Variants in RHBDL3 observed in about 807,000 individuals in gnomAD.
RHBDL3 encodes rhomboid like 3, also known as rhomboid-related protein 3.
RHBDL3 carries 28 observed loss-of-function variants against 48.2 expected under a neutral mutation model. That is an observed-to-expected ratio of 0.58 (90% CI 0.43 to 0.80). RHBDL3 has a LOEUF of 0.80. Ranked by LOEUF, RHBDL3 falls within the 30% of genes least tolerant of loss-of-function variation. The probability of loss-of-function intolerance (pLI) is 0.00; values close to 1 mark genes in which losing one functional copy is unlikely to be tolerated. For synonymous variants in RHBDL3, 208 were observed against 232.3 expected (o/e 0.90, Z 0.95); for missense variants, 464 against 542.7 (o/e 0.85, Z 1.44).
intron 2 of RHBDL3, among the ~76,000 whole-genome samples, chr17:32,272,485 TC>T (rs1367521892): frequency 6.6e-6 from 1 of 152,022 alleles, no homozygotes; most frequent in African/African-American, 2.4e-5. Flanking sequence ...CCCCCAGAAC[TC>T]ACAATTAACC....
chr17:32,294,885 C>T (rs1402597457), intron 5 of RHBDL3, among the ~76,000 whole-genome samples: 1 of 152,146 alleles, frequency 6.6e-6, no homozygotes, highest in Non-Finnish European at 1.5e-5. Context: ...GGAACTCTGA[C>T]GATAATTATA....
intron 1 of RHBDL3, chr17:32,267,588 C>G (rs560307557): frequency 3.9e-5 from 7 of 180,984 alleles, no homozygotes; most frequent in African/African-American, 1.4e-4. Context: ...CATATTTGGA[C>G]GCCTTTATTT....
intron 2 of RHBDL3, among the ~76,000 whole-genome samples, chr17:32,280,185 G>C (rs2040009964): frequency 6.6e-6 from 1 of 152,164 alleles, no homozygotes. Context: ...ACGCTCCCAG[G>C]CTCCTGGCTC....
intron 4 of RHBDL3, among the ~76,000 whole-genome samples, 155 bp from the exon 5 acceptor site, chr17:32,294,139 A>AAC (rs1006831459): frequency 3.3e-5 from 5 of 151,864 alleles, no homozygotes; most frequent in African/African-American, 1.2e-4. Flanking sequence ...AAAAAAAAAA[A>AAC]AAAAAACTCA....
At chr17:32,283,094 C>T (rs980738589) in intron 2 of RHBDL3, among the ~76,000 whole-genome samples, 1 of 152,170 alleles carries the variant, frequency 6.6e-6, no homozygotes, top group Non-Finnish European at 1.5e-5. Flanking sequence ...CACACACATA[C>T]ATCCTCAATG....
At chr17:32,316,171 A>G (rs1181629362) in intron 7 of RHBDL3, 61 bp from the exon 8 acceptor site, 2 of 1,227,284 alleles carry the variant, frequency 1.6e-6, no homozygotes, top group East Asian at 4.7e-5. Context: ...TTTCTTAAGC[A>G]AGACACACCG....
At chr17:32,306,927 A>AATTCTTT (rs1311437097) in intron 7 of RHBDL3, among the ~76,000 whole-genome samples, 14 of 152,104 alleles carry the variant, frequency 9.2e-5, no homozygotes, top group Non-Finnish European at 1.0e-4. Context: ...TCTCAATTTA[A>AATTCTTT]AGAAAAGAAA....
rs1026666655 is a variant in RHBDL3 at position 32,323,899 on chromosome 17, C to G, written c.*2670C>G. ...CCAGGTCAGGAGGCAGCTGTCTGGT[C>G]AGAGGGGTTCTCTTTGTGGCATCTG... On this transcript the variant is annotated 3_prime_UTR_variant, in exon 9 of 9. Coordinates refer to ENST00000269051, the MANE Select transcript of RHBDL3 (RefSeq NM_138328.3). 1.3e-5 allele frequency: 2 copies of G among 152,634 alleles called. No homozygotes were observed. Among genetic ancestry groups the G allele is most frequent in the African/African-American group, 4.8e-5 (2 of 41,436 alleles). The allele number at this position is 152,634 out of a possible 1,614,324, so 9.5% of individuals were successfully genotyped here.
chr17:32,292,418 T>G (rs1281004900), intron 4 of RHBDL3, among the ~76,000 whole-genome samples: 1 of 152,198 alleles, frequency 6.6e-6, no homozygotes, highest in Non-Finnish European at 1.5e-5. Context: ...CTGGAAGAGA[T>G]ATTGATACAC....
intron 3 of RHBDL3, among the ~76,000 whole-genome samples, chr17:32,286,887 C>T (rs1487139491): frequency 6.6e-6 from 1 of 152,162 alleles, no homozygotes; most frequent in Non-Finnish European, 1.5e-5. Context: ...GTGCACCCAT[C>T]CAGAAGAAGA....
Position 32,317,090 on chromosome 17 carries a change from C to G in RHBDL3, c.943+798C>G, listed in dbSNP as rs138945937. ...GTTTCACCATGTTGGCCAGGCTGGT[C>G]TCAAACTCCTGACCTCAGGTGATCT... On this transcript the variant is annotated intron_variant, in intron 8 of 8. Transcript: ENST00000269051. Among the ~76,000 whole-genome samples, 1,165 of 152,100 alleles carry G rather than the reference C, an allele frequency of 7.7e-3. 16 individuals are homozygous for G. Among genetic ancestry groups the G allele is most frequent in the African/African-American group, 0.027 (1,109 of 41,490 alleles).
chr17:32,315,791 C>G (rs1410841959), intron 7 of RHBDL3, among the ~76,000 whole-genome samples: 1 of 151,870 alleles, frequency 6.6e-6, no homozygotes, highest in Non-Finnish European at 1.5e-5. Context: ...CTTGACCCCT[C>G]AGTCCCCTCT....
chr17:32,319,990 G>A (rs1173571781), intron 8 of RHBDL3, among the ~76,000 whole-genome samples: 1 of 152,080 alleles, frequency 6.6e-6, no homozygotes, highest in African/African-American at 2.4e-5. Flanking sequence ...ATCTGTTACA[G>A]GTCTGGGTGT....
intron 2 of RHBDL3, among the ~76,000 whole-genome samples, chr17:32,270,303 T>G (rs2039744178): frequency 6.6e-6 from 1 of 151,902 alleles, no homozygotes; most frequent in South Asian, 2.1e-4. Flanking sequence ...ATCTCCTCCC[T>G]CCCTTCTTGG....
At position 32,316,220 on chromosome 17, in the gene RHBDL3, C is replaced by CT; in HGVS notation, c.883-7dup. 1 of 1,609,746 alleles carries CT rather than the reference C, an allele frequency of 6.2e-7. No individual in the cohort carries two copies. Among genetic ancestry groups the CT allele is most frequent in the African/African-American group, 1.3e-5 (1 of 74,944 alleles). ...CTAATCTGGAACTGACTGAGCTCTC[C>CT]TTTTTCCCTAGAACTGGTCAGGCAT... On this transcript the variant is annotated splice_polypyrimidine_tract_variant and intron_variant, in intron 7 of 8. Coordinates refer to ENST00000269051, the MANE Select transcript of RHBDL3 (RefSeq NM_138328.3).
intron 4 of RHBDL3, among the ~76,000 whole-genome samples, chr17:32,291,771 C>CT (rs36113178): frequency 0.069 from 9,101 of 131,244 alleles, 367 homozygotes; most frequent in Middle Eastern, 0.13. Flanking sequence ...TGAGATATTC[C>CT]TTTTTTTTTT....
chr17:32,272,532 G>C (rs543062581), intron 2 of RHBDL3, among the ~76,000 whole-genome samples: 4 of 152,238 alleles, frequency 2.6e-5, no homozygotes, highest in African/African-American at 7.2e-5. Context: ...ACAAAGCCAC[G>C]GGCTTAACTG....
intron 5 of RHBDL3, among the ~76,000 whole-genome samples, chr17:32,294,788 A>AG (rs1163940791): frequency 1.4e-5 from 2 of 138,238 alleles, no homozygotes; most frequent in Non-Finnish European, 3.0e-5. Flanking sequence ...TAGAGCAAAA[A>AG]GGGAGTCAAG....
chr17:32,284,141 T>C, intron 2 of RHBDL3: 1 of 153,062 alleles, frequency 6.5e-6, no homozygotes, highest in Non-Finnish European at 1.5e-5. Context: ...CCACCAATCC[T>C]CCCCGCCTGG....
Sources: allele counts gnomAD v4.1 joint callset (sites outside exome capture counted in the v4.1 genomes callset), GRCh38; gene constraint gnomAD v4.1.1; transcripts MANE v1.5; gene names NCBI Gene and HGNC (gene_info 2026-07-23, HGNC 2026-07-21).